CABIN1: variants seen among roughly 807,000 people sequenced by gnomAD.
CABIN1 encodes the protein calcineurin-binding protein cabin-1.
CABIN1 carries 133 observed loss-of-function variants against 227.7 expected under a neutral mutation model. That is an observed-to-expected ratio of 0.58 (90% CI 0.51 to 0.67). The LOEUF is 0.67. CABIN1 is among the 30% of genes least tolerant of loss of function. CABIN1 has a pLI of 0.00. For synonymous variants in CABIN1, 1,086 were observed against 1,155.1 expected (o/e 0.94, Z 1.21); for missense variants, 2,408 against 2,852.5 (o/e 0.84, Z 3.55).
chr22:24,034,149 C>T (rs1569096830), intron 1 of CABIN1, among the ~76,000 whole-genome samples: 1 of 152,234 alleles, frequency 6.6e-6, no homozygotes, highest in Non-Finnish European at 1.5e-5. Flanking sequence ...GAATCTAATG[C>T]TGCTGCTAAT....
chr22:24,161,930 A>G (rs2046179502), intron 29 of CABIN1: 1 of 152,214 alleles, frequency 6.6e-6, no homozygotes, highest in African/African-American at 2.4e-5. Flanking sequence ...ATAGCCCTCC[A>G]CAGGCCCGGT....
chr22:24,158,929 A>G (rs2045992361), intron 29 of CABIN1, among the ~76,000 whole-genome samples: 2 of 152,098 alleles, frequency 1.3e-5, no homozygotes, highest in Admixed American at 6.5e-5. Context: ...AATCAGAGTC[A>G]CCTTAGGGCT....
At chr22:24,153,932 G>T (rs2045636914) in intron 29 of CABIN1, among the ~76,000 whole-genome samples, 3 of 152,190 alleles carry the variant, frequency 2.0e-5, no homozygotes, top group Admixed American at 6.5e-5. Context: ...CCCATTCTGA[G>T]CCTCAGTGTG....
Position 24,177,500 on chromosome 22 carries a change from C to A in CABIN1, c.6206-4C>A. ...GAAGTGCTCTTGGTACCTTTGTCTTCCAGAGGGGAAACTGAGGCCTGAGCC... is the reference window on the plus strand; with the variant it reads ...GAAGTGCTCTTGGTACCTTTGTCTTACAGAGGGGAAACTGAGGCCTGAGCC... On this transcript the variant is annotated splice_region_variant and splice_polypyrimidine_tract_variant and intron_variant, in intron 35 of 36. Transcript: ENST00000263119. The surrounding 1 kb of genome is among the most constrained non-coding windows in gnomAD (Gnocchi z 4.4). 1 of 1,524,262 alleles carries A rather than the reference C, an allele frequency of 6.6e-7. No homozygotes were observed. The allele number at this position is 1,524,262 out of a possible 1,614,324, so 94.4% of individuals were successfully genotyped here.
intron 28 of CABIN1, among the ~76,000 whole-genome samples, chr22:24,126,270 G>A (rs888680692): frequency 6.6e-6 from 1 of 152,176 alleles, no homozygotes; most frequent in Non-Finnish European, 1.5e-5. Flanking sequence ...AGCTAGTGAT[G>A]AGTAGGAAGA....
rs2041038511 is a variant in CABIN1 at position 24,084,781 on chromosome 22, C to T, written c.3113C>T (p.Thr1038Ile). The stretch of plus-strand genomic sequence containing the variant: ...TCTGCCTACATTGAGGGAACTTCAA[C>T]TGAGGTGGGCCCACAACCTTGAGGA... Reference protein sequence around the residue: ...KVSAYIEGTSTEVPCLPEGAD... With the variant: ...KVSAYIEGTSIEVPCLPEGAD... The change falls in exon 21 of 37, where the codon ACT (threonine) becomes ATT (isoleucine). Residue 1038 changes from threonine to isoleucine, a missense_variant. Coordinates refer to ENST00000263119, the MANE Select transcript of CABIN1 (RefSeq NM_012295.4). 1 of 1,614,054 alleles carries T rather than the reference C, an allele frequency of 6.2e-7. No homozygotes were observed. Among genetic ancestry groups the T allele is most frequent in the Non-Finnish European group, 8.5e-7 (1 of 1,179,990 alleles).
At chr22:24,074,731 C>A (rs1052247753) in intron 18 of CABIN1, among the ~76,000 whole-genome samples, 1 of 152,018 alleles carries the variant, frequency 6.6e-6, no homozygotes, top group Non-Finnish European at 1.5e-5. Context: ...ATAAGGAAGG[C>A]GGAGGAAGCA....
chr22:24,034,361 A>G (rs1192687106), intron 1 of CABIN1, among the ~76,000 whole-genome samples: 1 of 152,246 alleles, frequency 6.6e-6, no homozygotes, highest in African/African-American at 2.4e-5. Context: ...GATACATGCT[A>G]TTTTGTATAT....
At chr22:24,164,365 A>T in intron 29 of CABIN1, 35 bp from the exon 30 acceptor site, 3 of 1,598,860 alleles carry the variant, frequency 1.9e-6, no homozygotes, top group Non-Finnish European at 1.7e-6. Flanking sequence ...TGCCACAACC[A>T]CCCCCCTCAC....
chr22:24,046,892 G>GA (rs1377341591), intron 6 of CABIN1, among the ~76,000 whole-genome samples: 1 of 151,740 alleles, frequency 6.6e-6, no homozygotes, highest in Non-Finnish European at 1.5e-5. Flanking sequence ...TGAGAAGGTA[G>GA]AAAACCCCCC....
intron 23 of CABIN1, 76 bp downstream of exon 23, chr22:24,087,789 T>G: frequency 1.3e-6 from 2 of 1,571,452 alleles, no homozygotes; most frequent in Non-Finnish European, 1.7e-6. Flanking sequence ...CGAAGCTCTG[T>G]CTCATTCGTA....
intron 29 of CABIN1, among the ~76,000 whole-genome samples, chr22:24,142,832 C>T (rs1355115058): frequency 3.3e-5 from 5 of 152,194 alleles, no homozygotes; most frequent in Admixed American, 2.0e-4. Context: ...TCATCAGGGC[C>T]AGGGAACATG....
At chr22:24,157,934 CA>C (rs2045932523) in intron 29 of CABIN1, among the ~76,000 whole-genome samples, 1 of 152,174 alleles carries the variant, frequency 6.6e-6, no homozygotes, top group Non-Finnish European at 1.5e-5. Flanking sequence ...TGCAGCCACC[CA>C]CTCAGCAGCT....
Position 24,168,482 on chromosome 22 carries a change from G to C in CABIN1, c.5718G>C (p.Lys1906Asn). ...AGGCTGCGCTGGAGCAGGCTGTGAA[G>C]TTCTGCCAGGTCCATCTTGGGGCTG... ...DEEAALEQAV[K>N]FCQVHLGAAA... The change falls in exon 33 of 37, where the codon AAG becomes AAC. Residue 1906 changes from lysine (K) to asparagine (N), a missense_variant. Physicochemically the swap from Lys to Asn is moderately conservative, Grantham distance 94 (BLOSUM62 0). Coordinates refer to ENST00000263119, the MANE Select transcript of CABIN1 (RefSeq NM_012295.4). 6.4e-7 allele frequency: 1 copy of C among 1,569,522 alleles called. No individual in the cohort carries two copies. Among genetic ancestry groups the C allele is most frequent in the East Asian group, 2.4e-5 (1 of 42,096 alleles).
At position 24,134,476 on chromosome 22, in the gene CABIN1, C is replaced by T. The variant is rs142204787; in HGVS notation, c.4746+61C>T. ...TGTTGCCACTGCTTTTCACTGAAGG[C>T]GCATGAATTGACCCCCTAGGTGGGT... On this transcript the variant is annotated intron_variant, in intron 29 of 36. Transcript: ENST00000263119. 1,641 of 1,397,324 alleles carry T rather than the reference C, an allele frequency of 1.2e-3. 20 individuals are homozygous for T. In the African/African-American group the frequency reaches 0.021, roughly 18 times the overall value. 86.6% of individuals were successfully genotyped at this position (1,397,324 alleles called of 1,614,324 possible).
chr22:24,072,175 A>G (rs554182914), intron 17 of CABIN1, among the ~76,000 whole-genome samples, 179 bp from the exon 18 acceptor site: 2 of 152,290 alleles, frequency 1.3e-5, no homozygotes, highest in South Asian at 4.1e-4. Flanking sequence ...ATTGGACACT[A>G]TGGGTCTCTG....
At chr22:24,070,767 C>G (rs1300378934) in intron 16 of CABIN1, 33 bp from the exon 17 acceptor site, 1 of 1,613,938 alleles carries the variant, frequency 6.2e-7, no homozygotes, top group Admixed American at 1.7e-5. Context: ...GCTGAGCTCA[C>G]CGTGCACTTC....
At chr22:24,072,613 G>A in intron 18 of CABIN1, 103 bp downstream of exon 18, 7 of 1,349,522 alleles carry the variant, frequency 5.2e-6, no homozygotes, top group Non-Finnish European at 7.4e-6. Flanking sequence ...TTGTGAGTGG[G>A]GCTCAGTCCT....
chr22:24,043,335 T>TTTTTTAAA (rs2037582096), intron 6 of CABIN1, among the ~76,000 whole-genome samples: 1 of 144,242 alleles, frequency 6.9e-6, no homozygotes, highest in Non-Finnish European at 1.5e-5. Flanking sequence ...TTTTTTGCTT[T>TTTTTTAAA]GCAAGGTTTT....
Sources: gnomAD v4.1 joint callset for allele counts (sites outside exome capture counted in the v4.1 genomes callset) on GRCh38, gnomAD v4.1.1 for gene constraint, Gnocchi (gnomAD v3.1) non-coding constraint, MANE v1.5 for transcripts, NCBI Gene and HGNC (gene_info 2026-07-23, HGNC 2026-07-21) for gene names.